The following THRB variants were observed in gnomAD, a reference collection of about 807,000 sequenced individuals.
THRB encodes the protein thyroid hormone receptor beta, also known as nuclear receptor subfamily 1 group A member 2.
THRB carries 12 observed loss-of-function variants against 47.8 expected under a neutral mutation model. The observed-to-expected ratio is 0.25, with a 90% CI of 0.16 to 0.41. The LOEUF (loss-of-function observed/expected upper bound fraction) is 0.41, where lower values mean the gene tolerates loss of function less well. Ranked by LOEUF, THRB falls within the 10% of genes least tolerant of loss-of-function variation. THRB has a pLI of 1.00. For synonymous variants in THRB, 218 were observed against 212.2 expected, an observed-to-expected ratio of 1.03 and a Z score of -0.24; for missense variants, 348 against 589.2, an observed-to-expected ratio of 0.59 and a Z score of 4.24.
At chr3:24,242,782 G>C (rs1284016579) in intron 3 of THRB, among the ~76,000 whole-genome samples, 4 of 152,016 alleles carry the variant, frequency 2.6e-5, no homozygotes, top group Admixed American at 2.0e-4. Context: ...TCAGAGGCTC[G>C]TGTTTGCATC....
chr3:24,122,371 A>G lies in THRB; in HGVS notation c.*513T>C, dbSNP rs2148775904. ...CAAGTTATGCTCCTAGGAGACCATA[A>G]AGAGTGCTGCAAACAGCATGCTCTT... On this transcript the variant is annotated 3_prime_UTR_variant, in exon 11 of 11. Transcript: ENST00000646209. 5.4e-6 allele frequency: 1 copy of G among 185,862 alleles called. No individual in the cohort carries two copies. The highest frequency in any genetic ancestry group is 1.2e-4 in the South Asian group (1 of 8,478). The allele number at this position is 185,862 out of a possible 1,614,324, so 11.5% of individuals were successfully genotyped here.
chr3:24,476,460 A>C (rs1285751158), intron 1 of THRB, among the ~76,000 whole-genome samples: 1 of 152,200 alleles, frequency 6.6e-6, no homozygotes, highest in Non-Finnish European at 1.5e-5. Context: ...AATCAGAGGA[A>C]CTGAAACAAA....
chr3:24,274,363 A>T (rs2053679237), intron 3 of THRB, among the ~76,000 whole-genome samples: 1 of 152,194 alleles, frequency 6.6e-6, no homozygotes, highest in African/African-American at 2.4e-5. Context: ...ATAAGCAATT[A>T]GGGTTACCTA....
Position 24,194,633 on chromosome 3 carries a change from G to T in THRB, c.23-4299C>A, listed in dbSNP as rs116551625. On this transcript the variant is annotated intron_variant, in intron 4 of 10. Coordinates refer to ENST00000646209, the MANE Select transcript of THRB (RefSeq NM_001354712.2). ...GTTTGCATTCGATGACCATCATTCT[G>T]ATGGCTTTGATTGACACAACACTGA... Among the ~76,000 whole-genome samples, 1,406 of 152,288 alleles carry T rather than the reference G, an allele frequency of 9.2e-3. 28 individuals are homozygous for T. Among genetic ancestry groups the T allele is most frequent in the African/African-American group, 0.032 (1,329 of 41,554 alleles).
At chr3:24,134,312 C>G in intron 8 of THRB, among the ~76,000 whole-genome samples, 1 of 152,146 alleles carries the variant, frequency 6.6e-6, no homozygotes, top group East Asian at 1.9e-4. Context: ...ATTCAGTGAC[C>G]TCCCTGATGT....
At chr3:24,278,853 A>G (rs1314519470) in intron 3 of THRB, among the ~76,000 whole-genome samples, 1 of 151,982 alleles carries the variant, frequency 6.6e-6, no homozygotes, top group Non-Finnish European at 1.5e-5. Flanking sequence ...TTTATTTATT[A>G]TTTATTTTTA....
At chr3:24,357,365 A>AAAAAAC (rs2063750862) in intron 1 of THRB, among the ~76,000 whole-genome samples, 1 of 147,340 alleles carries the variant, frequency 6.8e-6, no homozygotes, top group African/African-American at 2.5e-5. Context: ...AAAAAAAAAA[A>AAAAAAC]AAAAAAAAAC....
chr3:24,293,018 G>A (rs1430681390), intron 3 of THRB, among the ~76,000 whole-genome samples: 1 of 69,374 alleles, frequency 1.4e-5, no homozygotes, highest in Admixed American at 1.6e-4. Flanking sequence ...CAGCTGCAAA[G>A]TTTTTGTTTG....
At chr3:24,208,650 A>G in intron 4 of THRB, among the ~76,000 whole-genome samples, 1 of 152,244 alleles carries the variant, frequency 6.6e-6, no homozygotes, top group African/African-American at 2.4e-5. Flanking sequence ...AGCCATATGT[A>G]GAAAGCTGAA....
At chr3:24,459,854 G>T (rs997954275) in intron 1 of THRB, among the ~76,000 whole-genome samples, 2 of 151,956 alleles carry the variant, frequency 1.3e-5, no homozygotes, top group Non-Finnish European at 2.9e-5. Context: ...ATCTACAAAG[G>T]TTTAGTTTTT....
intron 1 of THRB, among the ~76,000 whole-genome samples, chr3:24,408,239 A>T (rs950727723): frequency 6.6e-6 from 1 of 151,870 alleles, no homozygotes; most frequent in African/African-American, 2.4e-5. Flanking sequence ...GAATAGAAAT[A>T]TATCCATCAA....
chr3:24,388,086 G>T (rs540829641), intron 1 of THRB, among the ~76,000 whole-genome samples: 5 of 152,012 alleles, frequency 3.3e-5, no homozygotes, highest in Non-Finnish European at 5.9e-5. Context: ...CCCAGCTACT[G>T]AGAGGGTGGC....
chr3:24,393,945 G>C (rs1231402577), intron 1 of THRB, among the ~76,000 whole-genome samples: 1 of 152,134 alleles, frequency 6.6e-6, no homozygotes, highest in Non-Finnish European at 1.5e-5. Flanking sequence ...GGTATTGAAA[G>C]GGAGGGAGGA....
chr3:24,137,507 T>G (rs114633687), intron 8 of THRB, among the ~76,000 whole-genome samples: 2,090 of 152,238 alleles, frequency 0.014, 46 homozygotes, highest in African/African-American at 0.047. Flanking sequence ...GTGTGGACTT[T>G]GACTTGAGGA....
At chr3:24,215,556 C>A (rs372537843) in intron 4 of THRB, among the ~76,000 whole-genome samples, 26 of 152,274 alleles carry the variant, frequency 1.7e-4, no homozygotes, top group East Asian at 9.6e-4. Context: ...ACTTTTTAAA[C>A]AAAAAGATGA....
chr3:24,299,777 A>ATTT (rs1469621301), intron 2 of THRB, among the ~76,000 whole-genome samples: 2 of 41,582 alleles, frequency 4.8e-5, no homozygotes, highest in Non-Finnish European at 9.8e-5. Flanking sequence ...TTTTTTATTT[A>ATTT]TTTATTTATT....
At chr3:24,289,184 G>A (rs1270775700) in intron 3 of THRB, among the ~76,000 whole-genome samples, 1 of 152,186 alleles carries the variant, frequency 6.6e-6, no homozygotes, top group Non-Finnish European at 1.5e-5. Context: ...TTAGCTGCAT[G>A]AATACTAAGG....
intron 1 of THRB, among the ~76,000 whole-genome samples, chr3:24,461,755 CA>C (rs1484968688): frequency 1.3e-5 from 2 of 152,086 alleles, no homozygotes; most frequent in African/African-American, 2.4e-5. Context: ...ACTAAGGGGG[CA>C]TGTCATACAG....
intron 3 of THRB, among the ~76,000 whole-genome samples, chr3:24,280,006 T>C (rs1027445105): frequency 2.6e-5 from 4 of 152,172 alleles, no homozygotes; most frequent in Admixed American, 2.0e-4. Context: ...AGATAGTTAA[T>C]AGGGTCCAGC....
Sources: allele counts gnomAD v4.1 joint callset (sites outside exome capture counted in the v4.1 genomes callset), GRCh38; gene constraint gnomAD v4.1.1; transcripts MANE v1.5; gene names NCBI Gene and HGNC (gene_info 2026-07-23, HGNC 2026-07-21).